Variants in SNX29 observed in about 807,000 individuals in gnomAD.
SNX29 encodes the protein sorting nexin 29.
A neutral mutation model predicts 102.1 loss-of-function variants in SNX29; 78 were observed. That is an observed-to-expected ratio of 0.76 (90% confidence interval 0.64 to 0.92). The LOEUF (loss-of-function observed/expected upper bound fraction) is 0.92. Ranked by LOEUF, SNX29 falls within the 40% of genes least tolerant of loss-of-function variation. The probability of loss-of-function intolerance (pLI) is 0.00; values close to 1 mark genes in which losing one functional copy is unlikely to be tolerated. For synonymous variants in SNX29, 580 were observed against 414.5 expected, an observed-to-expected ratio of 1.40 and a Z score of -4.85; for missense variants, 1,280 against 1,061.7, an observed-to-expected ratio of 1.21 and a Z score of -2.86.
rs1245620491 is a variant in SNX29 at position 12,572,472 on chromosome 16, G to C, written c.*3843G>C. 6 of 1,063,718 alleles carry C rather than the reference G, an allele frequency of 5.6e-6. No individual in the cohort carries two copies. Among genetic ancestry groups the C allele is most frequent in the Non-Finnish European group, 5.7e-6 (5 of 878,376 alleles). The allele number at this position is 1,063,718 out of a possible 1,614,324, so 65.9% of individuals were successfully genotyped here. A position where few individuals can be genotyped will look rare whatever the true frequency, so the allele number is the denominator to read the frequency against. ...GCATGGTACATTTTGCCAACCCTGA[G>C]GACCAGTTCTTGGGGTTCCAGGCCT... On this transcript the variant is annotated 3_prime_UTR_variant, in exon 21 of 21. Coordinates refer to ENST00000566228, the MANE Select transcript of SNX29 (RefSeq NM_032167.5).
rs1286174976 is a variant in SNX29, at chr16:12,118,313, C to CTTTCTTTTTTTTTTTTTTTT, written c.1403-8317_1403-8316insCTTTTTTTTTTTTTTTTTTT. ...TGTAGATAGTAGATATACAGACCAC[C>CTTTCTTTTTTTTTTTTTTTT]TTTTTTTTTTTTTTTTTTTTTTTAT... On this transcript the variant is annotated intron_variant, in intron 11 of 20. Coordinates refer to ENST00000566228, the MANE Select transcript of SNX29 (RefSeq NM_032167.5). Among the ~76,000 whole-genome samples the CTTTCTTTTTTTTTTTTTTTT allele has an allele frequency of 8.1e-5, 7 of 86,124 alleles. 1 individual carries two copies. In the East Asian group the frequency reaches 1.6e-3, roughly 20 times the overall value. 56.5% of individuals were successfully genotyped at this position (86,124 alleles called of 152,430 possible).
chr16:12,212,647 A>C (rs146425805), intron 14 of SNX29, among the ~76,000 whole-genome samples: 66 of 152,244 alleles, frequency 4.3e-4, no homozygotes, highest in African/African-American at 1.5e-3. Flanking sequence ...TCTTTTGAAA[A>C]ATGTCTGTTC....
chr16:12,573,144 C>A lies in SNX29; in HGVS notation c.*4515C>A. On this transcript the variant is annotated 3_prime_UTR_variant, in exon 21 of 21. Coordinates refer to ENST00000566228, the MANE Select transcript of SNX29 (RefSeq NM_032167.5). The stretch of plus-strand genomic sequence containing the variant: ...TCTTGATCTTGTTTCCAAAATAAAG[C>A]TTCAGCTCCTTGGTCAATAGAAGTA... 8.8e-6 allele frequency: 2 copies of A among 226,408 alleles called. No individual in the cohort carries two copies. The highest frequency in any genetic ancestry group is 1.8e-5 in the Non-Finnish European group (2 of 113,980). 14.0% of individuals were successfully genotyped at this position (226,408 alleles called of 1,614,324 possible).
chr16:12,535,611 C>G (rs1237685122), intron 20 of SNX29, among the ~76,000 whole-genome samples: 1 of 147,126 alleles, frequency 6.8e-6, no homozygotes, highest in African/African-American at 2.7e-5. Context: ...CCCTTTGTCA[C>G]TGTCAGTCAC....
intron 19 of SNX29, among the ~76,000 whole-genome samples, chr16:12,485,081 A>C (rs1158046669): frequency 6.6e-6 from 1 of 152,236 alleles, no homozygotes; most frequent in Non-Finnish European, 1.5e-5. Flanking sequence ...CACACATTCA[A>C]AAAATCTCAA....
At chr16:12,040,563 T>C (rs745572561) in intron 4 of SNX29, among the ~76,000 whole-genome samples, 5 of 152,168 alleles carry the variant, frequency 3.3e-5, no homozygotes, top group African/African-American at 7.2e-5. Context: ...ATTCGACATG[T>C]GGAAATCTTT....
chr16:12,404,314 C>T (rs2084077972), intron 18 of SNX29, among the ~76,000 whole-genome samples: 1 of 152,122 alleles, frequency 6.6e-6, no homozygotes, highest in Admixed American at 6.5e-5. Context: ...GGTGATTTTA[C>T]CCAATCAAGG....
At chr16:12,527,093 T>C (rs1440351943) in intron 20 of SNX29, 3 of 450,426 alleles carry the variant, frequency 6.7e-6, no homozygotes, top group Non-Finnish European at 1.3e-5. Context: ...ATTAAACAGC[T>C]CTTTTAATAA....
rs1020072564 is a variant in SNX29 at position 12,075,860 on chromosome 16, C to G, written c.1320-2973C>G. On this transcript the variant is annotated intron_variant, in intron 10 of 20. Transcript: ENST00000566228. ...GGCTGCTTTGTTTACCTAAGGGAGC[C>G]TGGGCAATGGTGGGTGCCCCTCCAC... 2.0e-5 allele frequency among the ~76,000 whole-genome samples: 3 copies of G among 152,246 alleles called. No homozygotes were observed. The South Asian group carries it at 6.2e-4, about 31-fold the overall frequency.
intron 18 of SNX29, among the ~76,000 whole-genome samples, chr16:12,417,549 TTTTCTC>T (rs1209252493): frequency 7.2e-5 from 11 of 152,100 alleles, no homozygotes; most frequent in African/African-American, 2.7e-4. Context: ...GGTCTTTTCC[TTTTCTC>T]TTTCTGTTTC....
chr16:12,553,008 G>C (rs548469587), intron 20 of SNX29, among the ~76,000 whole-genome samples: 1 of 152,240 alleles, frequency 6.6e-6, no homozygotes, highest in Non-Finnish European at 1.5e-5. Context: ...AATCAGGAGA[G>C]TGGGATTAGA....
chr16:12,295,251 C>A (rs890015125), intron 15 of SNX29, among the ~76,000 whole-genome samples: 2 of 152,156 alleles, frequency 1.3e-5, no homozygotes, highest in Non-Finnish European at 2.9e-5. Context: ...GTTGACTTTC[C>A]TAGGATGACA....
chr16:12,393,351 A>C (rs1372449244), intron 16 of SNX29, among the ~76,000 whole-genome samples: 2 of 143,322 alleles, frequency 1.4e-5, no homozygotes, highest in African/African-American at 2.8e-5. Context: ...ATCTGTTGGC[A>C]TTTCAGGGTG....
At chr16:12,512,660 C>G (rs762817257) in intron 19 of SNX29, among the ~76,000 whole-genome samples, 3 of 152,062 alleles carry the variant, frequency 2.0e-5, no homozygotes, top group Non-Finnish European at 4.4e-5. Flanking sequence ...TGGATTCTCT[C>G]TACCATGGGT....
intron 20 of SNX29, among the ~76,000 whole-genome samples, chr16:12,552,604 A>T (rs2078050823): frequency 6.6e-6 from 1 of 152,158 alleles, no homozygotes; most frequent in South Asian, 2.1e-4. Flanking sequence ...TCTCATGGGG[A>T]TGACTAAAAA....
intron 8 of SNX29, among the ~76,000 whole-genome samples, chr16:12,057,735 A>G (rs1266816665): frequency 6.6e-6 from 1 of 151,984 alleles, no homozygotes; most frequent in Admixed American, 6.6e-5. Flanking sequence ...AAACATCTCA[A>G]ATGATGTTTA....
At chr16:12,300,458 A>G (rs949859256) in intron 15 of SNX29, among the ~76,000 whole-genome samples, 1 of 151,908 alleles carries the variant, frequency 6.6e-6, no homozygotes, top group Non-Finnish European at 1.5e-5. Context: ...TTTATCTTCC[A>G]TTGTTTGGCA....
intron 16 of SNX29, among the ~76,000 whole-genome samples, chr16:12,393,730 G>C (rs1163023955): frequency 6.6e-6 from 1 of 152,196 alleles, no homozygotes; most frequent in Non-Finnish European, 1.5e-5. Context: ...AGAGGAGAAG[G>C]GAGCAGTAGC....
At chr16:12,163,665 A>G (rs370618915) in intron 13 of SNX29, among the ~76,000 whole-genome samples, 14 of 152,250 alleles carry the variant, frequency 9.2e-5, no homozygotes, top group East Asian at 5.8e-4. Flanking sequence ...CTTGCCCCAC[A>G]TGGGTCTTGG....
Sources: gnomAD v4.1 joint callset for allele counts (sites outside exome capture counted in the v4.1 genomes callset) on GRCh38, gnomAD v4.1.1 for gene constraint, MANE v1.5 for transcripts, NCBI Gene and HGNC (gene_info 2026-07-23, HGNC 2026-07-21) for gene names.